Variants in CAMKMT observed in about 807,000 individuals in gnomAD.
CAMKMT encodes the protein CaM KMT.
CAMKMT carries 53 observed loss-of-function variants against 48.0 expected under a neutral mutation model. The observed-to-expected ratio is 1.10, with a 90% confidence interval of 0.89 to 1.39. CAMKMT has a LOEUF of 1.39. Ranked by LOEUF, CAMKMT falls within the 40% of genes most tolerant of loss-of-function variation. The pLI is 0.00. For synonymous variants in CAMKMT, 165 were observed against 152.3 expected, an observed-to-expected ratio of 1.08 and a Z score of -0.61; for missense variants, 428 against 402.7, an observed-to-expected ratio of 1.06 and a Z score of -0.54.
At chr2:44,719,354 CTTTG>C (rs1305627779) in intron 7 of CAMKMT, among the ~76,000 whole-genome samples, 7 of 152,112 alleles carry the variant, frequency 4.6e-5, no homozygotes. Flanking sequence ...AGCATGTTGG[CTTTG>C]TTTGCATGTT....
intron 3 of CAMKMT, among the ~76,000 whole-genome samples, chr2:44,542,001 G>A (rs371703939): frequency 1.6e-4 from 25 of 151,714 alleles, no homozygotes; most frequent in East Asian, 9.8e-4. Context: ...GGTGGCACGC[G>A]CCTGTAAATC....
At chr2:44,593,478 A>T (rs970133324) in intron 3 of CAMKMT, among the ~76,000 whole-genome samples, 1 of 151,876 alleles carries the variant, frequency 6.6e-6, no homozygotes, top group South Asian at 2.1e-4. Flanking sequence ...CAGACTTTCA[A>T]CTCTGGTACT....
At chr2:44,571,179 A>C (rs1276236709) in intron 3 of CAMKMT, among the ~76,000 whole-genome samples, 1 of 152,168 alleles carries the variant, frequency 6.6e-6, no homozygotes, top group African/African-American at 2.4e-5. Flanking sequence ...AATGTAAGGG[A>C]ATTTAAGAGA....
chr2:44,607,414 G>C (rs147735962), intron 3 of CAMKMT, among the ~76,000 whole-genome samples: 76 of 152,304 alleles, frequency 5.0e-4, no homozygotes, highest in African/African-American at 1.7e-3. Flanking sequence ...ATCAGTACCA[G>C]TGTTTATTAT....
At chr2:44,555,417 G>A (rs1667953945) in intron 3 of CAMKMT, among the ~76,000 whole-genome samples, 1 of 152,152 alleles carries the variant, frequency 6.6e-6, no homozygotes, top group South Asian at 2.1e-4. Context: ...GCTGAAGCAG[G>A]GACTACAGGA....
intron 3 of CAMKMT, among the ~76,000 whole-genome samples, chr2:44,634,815 A>T (rs1336846542): frequency 2.0e-5 from 3 of 151,876 alleles, no homozygotes; most frequent in Admixed American, 6.6e-5. Context: ...AAAAAAAAGC[A>T]TTCTAGTCAG....
At chr2:44,567,817 A>G (rs180975844) in intron 3 of CAMKMT, among the ~76,000 whole-genome samples, 328 of 152,344 alleles carry the variant, frequency 2.2e-3, no homozygotes, top group African/African-American at 7.4e-3. Context: ...CAGCTCAGCC[A>G]TAGAAGCTGA....
chr2:44,497,464 TTA>T (rs1669801223), intron 3 of CAMKMT, among the ~76,000 whole-genome samples: 1 of 152,102 alleles, frequency 6.6e-6, no homozygotes, highest in Admixed American at 6.6e-5. Flanking sequence ...TAAACATTTT[TTA>T]TGTAGGGATA....
At chr2:44,488,084 G>A (rs1001503419) in intron 3 of CAMKMT, among the ~76,000 whole-genome samples, 27 of 152,316 alleles carry the variant, frequency 1.8e-4, no homozygotes, top group Non-Finnish European at 3.2e-4. Flanking sequence ...ACTTATGAAA[G>A]AACGGCATGA....
chr2:44,397,776 G>A (rs1681993377), intron 3 of CAMKMT, among the ~76,000 whole-genome samples: 1 of 152,086 alleles, frequency 6.6e-6, no homozygotes, highest in Non-Finnish European at 1.5e-5. Context: ...TTTGAAATAA[G>A]AAACCACAGA....
At chr2:44,369,224 T>C (rs1678921832) in intron 1 of CAMKMT, among the ~76,000 whole-genome samples, 1 of 152,074 alleles carries the variant, frequency 6.6e-6, no homozygotes, top group Non-Finnish European at 1.5e-5. Context: ...CAATTAAAAA[T>C]AAAGAAAACC....
At chr2:44,706,048 G>T (rs1677539160) in intron 4 of CAMKMT, among the ~76,000 whole-genome samples, 1 of 152,112 alleles carries the variant, frequency 6.6e-6, no homozygotes, top group African/African-American at 2.4e-5. Context: ...CTCAGCGGTG[G>T]TAATGTTGCA....
chr2:44,371,973 A>G (rs555546478), intron 1 of CAMKMT, among the ~76,000 whole-genome samples: 1 of 152,270 alleles, frequency 6.6e-6, no homozygotes, highest in East Asian at 1.9e-4. Flanking sequence ...ACACCAGCAA[A>G]ATTATTCATT....
At chr2:44,595,445 T>A (rs1670595296) in intron 3 of CAMKMT, among the ~76,000 whole-genome samples, 1 of 152,062 alleles carries the variant, frequency 6.6e-6, no homozygotes, top group African/African-American at 2.4e-5. Context: ...ATACAACTTA[T>A]AAGGACCTCT....
At chr2:44,672,916 A>G (rs1675415914) in intron 3 of CAMKMT, among the ~76,000 whole-genome samples, 1 of 152,198 alleles carries the variant, frequency 6.6e-6, no homozygotes. Context: ...ATAAACAGAC[A>G]TTTCATAACT....
At chr2:44,496,860 T>G (rs1669773695) in intron 3 of CAMKMT, among the ~76,000 whole-genome samples, 1 of 152,212 alleles carries the variant, frequency 6.6e-6, no homozygotes, top group African/African-American at 2.4e-5. Flanking sequence ...ATACACTGAT[T>G]TACTTGTAGG....
intron 3 of CAMKMT, among the ~76,000 whole-genome samples, chr2:44,609,703 C>G (rs775290962): frequency 2.0e-5 from 3 of 152,178 alleles, no homozygotes; most frequent in Non-Finnish European, 4.4e-5. Context: ...AACTCATTCT[C>G]TCCTCTTCAT....
chr2:44,465,838 G>A (rs1668082368), intron 3 of CAMKMT, among the ~76,000 whole-genome samples: 1 of 152,066 alleles, frequency 6.6e-6, no homozygotes, highest in Non-Finnish European at 1.5e-5. Context: ...GTGAAAGGAT[G>A]GAAAAAGATA....
intron 2 of CAMKMT, among the ~76,000 whole-genome samples, chr2:44,381,724 A>G (rs1271693545): frequency 6.6e-6 from 1 of 152,214 alleles, no homozygotes; most frequent in South Asian, 2.1e-4. Context: ...AACAAATTGC[A>G]AAACAATATG....
Sources: gnomAD v4.1 joint callset for allele counts (sites outside exome capture counted in the v4.1 genomes callset) on GRCh38, gnomAD v4.1.1 for gene constraint, MANE v1.5 for transcripts, NCBI Gene and HGNC (gene_info 2026-07-23, HGNC 2026-07-21) for gene names.